The following PRDM16 variants were observed in gnomAD, a reference collection of about 807,000 sequenced individuals.
PRDM16 encodes the protein PR/SET domain 16, also known as histone-lysine N-methyltransferase PRDM16.
Under a neutral mutation model 110.6 loss-of-function variants are expected in PRDM16, and 23 were observed. That is an observed-to-expected ratio of 0.21 (90% CI 0.15 to 0.29). The LOEUF (loss-of-function observed/expected upper bound fraction) is 0.29, where lower values mean the gene tolerates loss of function less well. Ranked by LOEUF, PRDM16 falls within the 10% of genes least tolerant of loss-of-function variation. The probability of loss-of-function intolerance (pLI) is 1.00; values close to 1 mark genes in which losing one functional copy is unlikely to be tolerated. For synonymous variants in PRDM16, 799 were observed against 781.8 expected (o/e 1.02, Z -0.37); for missense variants, 1,615 against 1,794.3 (o/e 0.90, Z 1.81).
Position 3,143,584 on chromosome 1 carries a change from C to A in PRDM16, c.38-42541C>A, listed in dbSNP as rs150789978. Among the ~76,000 whole-genome samples, 3,810 of 152,290 alleles carry A rather than the reference C, an allele frequency of 0.025. 68 individuals carry two copies. Among genetic ancestry groups the A allele is most frequent in the Non-Finnish European group, 0.041 (2,802 of 68,030 alleles). On this transcript the variant is annotated intron_variant, in intron 1 of 16. Coordinates refer to ENST00000270722, the MANE Select transcript of PRDM16 (RefSeq NM_022114.4). This position sits in a 1 kb window ranked among gnomAD's most constrained non-coding sequence, Gnocchi z 4.5. The stretch of plus-strand genomic sequence containing the variant: ...TCTCTGCCTCCCGGGTTCAAGGATT[C>A]TCCTGCCTCAGCCTCCTGAGTAGCT...
At position 3,437,365 on chromosome 1, in the gene PRDM16, T is replaced by C; in HGVS notation, c.*3554T>C. On this transcript the variant is annotated 3_prime_UTR_variant, in exon 17 of 17. Coordinates refer to ENST00000270722, the MANE Select transcript of PRDM16 (RefSeq NM_022114.4). ...AACACTTGCCTGAATACATATCACG[T>C]ATTTTAGACTCGAAGCCTCAAAGCA... The C allele has an allele frequency of 4.3e-6, 1 of 232,432 alleles. No individual in the cohort carries two copies. Among genetic ancestry groups the C allele is most frequent in the East Asian group, 6.1e-5 (1 of 16,450 alleles). The allele number at this position is 232,432 out of a possible 1,614,324, so 14.4% of individuals were successfully genotyped here. A position where few individuals can be genotyped will look rare whatever the true frequency, so the allele number is the denominator to read the frequency against.
chr1:3,106,925 G>A (rs1165070356), intron 1 of PRDM16, among the ~76,000 whole-genome samples: 1 of 152,214 alleles, frequency 6.6e-6, no homozygotes, highest in Non-Finnish European at 1.5e-5. Context: ...GGGGCCAACA[G>A]AGCCCTGCCA....
At chr1:3,314,688 G>C (rs1485615646) in intron 3 of PRDM16, among the ~76,000 whole-genome samples, 1 of 151,762 alleles carries the variant, frequency 6.6e-6, no homozygotes, top group Non-Finnish European at 1.5e-5. Context: ...TAGCCAGTTT[G>C]TTCTCAGAAA....
At chr1:3,126,992 C>T (rs1643223075) in intron 1 of PRDM16, among the ~76,000 whole-genome samples, 1 of 152,208 alleles carries the variant, frequency 6.6e-6, no homozygotes. Context: ...CGGCCCCGGA[C>T]ACAATTGCTA....
intron 3 of PRDM16, among the ~76,000 whole-genome samples, chr1:3,275,052 G>T (rs536443980): frequency 2.0e-5 from 3 of 152,232 alleles, no homozygotes; most frequent in Non-Finnish European, 4.4e-5. Context: ...GCAGGAGCAC[G>T]GATCTGGCTG....
chr1:3,318,812 C>T (rs1641673438), intron 3 of PRDM16, among the ~76,000 whole-genome samples: 1 of 152,220 alleles, frequency 6.6e-6, no homozygotes, highest in Non-Finnish European at 1.5e-5. Context: ...GCTTTTCCCC[C>T]TGCCTATTGA....
intron 2 of PRDM16, among the ~76,000 whole-genome samples, chr1:3,200,711 C>T (rs1009998170): frequency 8.6e-5 from 13 of 151,924 alleles, no homozygotes; most frequent in Non-Finnish European, 1.5e-4. Flanking sequence ...ATCCCCGGCA[C>T]GCGTGGCCCT....
chr1:3,181,395 C>T (rs1437611821), intron 1 of PRDM16, among the ~76,000 whole-genome samples: 1 of 23,866 alleles, frequency 4.2e-5, no homozygotes, highest in Non-Finnish European at 1.5e-4. Context: ...CGGCCTTACG[C>T]ATGGTCTTAC....
intron 1 of PRDM16, among the ~76,000 whole-genome samples, chr1:3,150,229 T>TGGGTCTGA (rs1643750076): frequency 6.6e-6 from 1 of 152,172 alleles, no homozygotes; most frequent in South Asian, 2.1e-4. Flanking sequence ...AGGAAAGCTG[T>TGGGTCTGA]GGGTCTGACA....
chr1:3,418,720 C>T lies in PRDM16; in HGVS notation c.2915C>T (p.Thr972Met), dbSNP rs2100677693. The change falls in exon 12 of 17, where the codon ACG becomes ATG. Residue 972 changes from threonine to methionine, a missense_variant. Thr to Met is a moderately conservative substitution (Grantham distance 81). This residue lies in a region of PRDM16 where 18 missense variants were observed against 75.2 expected (regional missense o/e 0.24). Coordinates refer to ENST00000270722, the MANE Select transcript of PRDM16 (RefSeq NM_022114.4). ...RSANLTRHLR[T>M]HTGEQPYRCK... The stretch of plus-strand genomic sequence containing the variant: ...GCCAATCTCACCAGACACCTGAGGA[C>T]GCACACTGGGGAGCAGCCGTACAGG... 6.2e-7 allele frequency: 1 copy of T among 1,613,680 alleles called. No individual in the cohort carries two copies. Among genetic ancestry groups the T allele is most frequent in the Non-Finnish European group, 8.5e-7 (1 of 1,179,864 alleles).
chr1:3,174,584 C>A (rs922379421), intron 1 of PRDM16, among the ~76,000 whole-genome samples: 4 of 152,152 alleles, frequency 2.6e-5, no homozygotes, highest in East Asian at 1.9e-4. Flanking sequence ...ACTGTCCCTG[C>A]CTCCCTCCGT....
chr1:3,326,871 G>C (rs1044684628), intron 3 of PRDM16, among the ~76,000 whole-genome samples: 1 of 152,204 alleles, frequency 6.6e-6, no homozygotes, highest in Non-Finnish European at 1.5e-5. Flanking sequence ...ACTGGGCCAT[G>C]CTCAGCCTCA....
chr1:3,321,761 TTGTG>T (rs1557606516), intron 3 of PRDM16, among the ~76,000 whole-genome samples: 1 of 149,342 alleles, frequency 6.7e-6, no homozygotes, highest in African/African-American at 2.5e-5. Flanking sequence ...CAATGTGTGT[TTGTG>T]TATGTGTGCA....
At chr1:3,162,008 C>T (rs770689471) in intron 1 of PRDM16, among the ~76,000 whole-genome samples, 1 of 152,238 alleles carries the variant, frequency 6.6e-6, no homozygotes, top group Non-Finnish European at 1.5e-5. Context: ...GGCCCCTCCA[C>T]GTGGGGCCTC....
chr1:3,336,611 A>C (rs1642158674), intron 3 of PRDM16, among the ~76,000 whole-genome samples: 1 of 134,254 alleles, frequency 7.4e-6, no homozygotes, highest in African/African-American at 2.9e-5. Flanking sequence ...TGTTGGTGTG[A>C]GTCTGTGAGT....
chr1:3,140,392 A>AG (rs1434264248), intron 1 of PRDM16, among the ~76,000 whole-genome samples: 1 of 152,124 alleles, frequency 6.6e-6, no homozygotes, highest in African/African-American at 2.4e-5. Context: ...ATGAGCGCAG[A>AG]GGCCTTGACG....
chr1:3,184,540 C>T (rs559167404), intron 1 of PRDM16, among the ~76,000 whole-genome samples: 10 of 152,300 alleles, frequency 6.6e-5, no homozygotes, highest in Admixed American at 2.6e-4. Flanking sequence ...TGTCCCTTCC[C>T]GCTGCTCCCC....
At chr1:3,405,324 C>T (rs940590011) in intron 7 of PRDM16, among the ~76,000 whole-genome samples, 171 bp from the exon 8 acceptor site, 5 of 152,262 alleles carry the variant, frequency 3.3e-5, no homozygotes, top group East Asian at 1.9e-4. Flanking sequence ...TAAGGCCCTG[C>T]AGCGGGTCCT....
chr1:3,363,174 T>C (rs1642747448), intron 3 of PRDM16, among the ~76,000 whole-genome samples: 1 of 151,682 alleles, frequency 6.6e-6, no homozygotes, highest in Non-Finnish European at 1.5e-5. Context: ...GGTCGGGTGG[T>C]AAAAGGCTGC....
Sources: gnomAD v4.1 joint callset for allele counts (sites outside exome capture counted in the v4.1 genomes callset) on GRCh38, gnomAD v4.1.1 for gene constraint, gnomAD v4.1.1 regional missense constraint, Gnocchi (gnomAD v3.1) non-coding constraint, MANE v1.5 for transcripts, NCBI Gene and HGNC (gene_info 2026-07-23, HGNC 2026-07-21) for gene names.